The following ACKR3 variants were observed in gnomAD, a reference collection of about 807,000 sequenced individuals.
ACKR3 encodes atypical chemokine receptor 3.
Under a neutral mutation model 22.4 loss-of-function variants are expected in ACKR3, and 6 were observed. The observed-to-expected ratio is 0.27, with a 90% confidence interval of 0.15 to 0.53. ACKR3 has a LOEUF of 0.53. Among genes scored for constraint, ACKR3 ranks in the 20% least tolerant of loss-of-function variants. The pLI, the probability that ACKR3 is intolerant of heterozygous loss-of-function variation, is 0.96. For synonymous variants in ACKR3, 209 were observed against 205.2 expected (o/e 1.02, Z -0.16); for missense variants, 396 against 475.2 (o/e 0.83, Z 1.55).
the ACKR3 span, among the ~76,000 whole-genome samples, chr2:236,560,507 C>T: frequency 6.6e-6 from 1 of 151,886 alleles, no homozygotes; most frequent in Admixed American, 6.6e-5. Context: ...AGTCCTTAGC[C>T]CGTTTTTAAA....
chr2:236,542,353 A>C, the ACKR3 span, among the ~76,000 whole-genome samples: 5 of 152,348 alleles, frequency 3.3e-5, no homozygotes, highest in South Asian at 1.0e-3. Context: ...ATCACTGGAC[A>C]TGACCTTTCT....
upstream of ACKR3, among the ~76,000 whole-genome samples, chr2:236,562,919 C>A (rs138083626): frequency 6.6e-6 from 1 of 152,240 alleles, no homozygotes; most frequent in Non-Finnish European, 1.5e-5. Context: ...TGGAGAAGCA[C>A]TGGTGCATGA....
At chr2:236,576,157 C>T (rs73131709) in intron 1 of ACKR3, among the ~76,000 whole-genome samples, 18,847 of 152,160 alleles carry the variant, frequency 0.12, 1,826 homozygotes, top group African/African-American at 0.27. Flanking sequence ...TGGCCTCAAG[C>T]GGGAATGGAA....
the ACKR3 span, among the ~76,000 whole-genome samples, chr2:236,543,043 A>G: frequency 6.6e-6 from 1 of 152,144 alleles, no homozygotes; most frequent in Non-Finnish European, 1.5e-5. Flanking sequence ...AAATAAAGCA[A>G]TGACAGTTGG....
intron 1 of ACKR3, among the ~76,000 whole-genome samples, chr2:236,575,362 C>T (rs542832982): frequency 7.0e-4 from 106 of 151,546 alleles, no homozygotes; most frequent in Non-Finnish European, 1.0e-3. Flanking sequence ...TTTTGTGTTT[C>T]TTTCTGCATA....
At chr2:236,540,099 C>G in the ACKR3 span, among the ~76,000 whole-genome samples, 1 of 152,188 alleles carries the variant, frequency 6.6e-6, no homozygotes, top group Admixed American at 6.5e-5. Flanking sequence ...TTATAGGAAA[C>G]TGCAAAACAG....
chr2:236,551,490 T>G, the ACKR3 span, among the ~76,000 whole-genome samples: 6 of 152,006 alleles, frequency 3.9e-5, no homozygotes, highest in Non-Finnish European at 8.8e-5. Context: ...GTGGGTGAGC[T>G]GACATCAGGG....
At chr2:236,544,148 C>T in the ACKR3 span, among the ~76,000 whole-genome samples, 1 of 151,078 alleles carries the variant, frequency 6.6e-6, no homozygotes. This position sits in a 1 kb window ranked among gnomAD's most constrained non-coding sequence, Gnocchi z 5.0. Context: ...CACCACCATG[C>T]CCGGCTAATT....
chr2:236,538,542 G>T, the ACKR3 span, among the ~76,000 whole-genome samples: 1 of 149,994 alleles, frequency 6.7e-6, no homozygotes, highest in Non-Finnish European at 1.5e-5. Context: ...CTGGCCCCAA[G>T]CATGGAAAGG....
At chr2:236,567,591 G>A (rs1451949425), upstream of ACKR3, among the ~76,000 whole-genome samples, 1 of 152,148 alleles carries the variant, frequency 6.6e-6, no homozygotes, top group Non-Finnish European at 1.5e-5. Context: ...GACAGGGTGG[G>A]AGGCCCAAGG....
upstream of ACKR3, chr2:236,569,690 T>TG (rs1691267566): frequency 2.0e-5 from 3 of 151,028 alleles, no homozygotes; most frequent in Non-Finnish European, 4.4e-5. Flanking sequence ...GAGGGGGGTG[T>TG]GTGTGTGTGT....
the ACKR3 span, among the ~76,000 whole-genome samples, chr2:236,562,148 G>T: frequency 1.3e-5 from 2 of 152,176 alleles, no homozygotes; most frequent in Admixed American, 6.5e-5. Flanking sequence ...ATCAAATTGG[G>T]GAAGTAAGTC....
chr2:236,542,013 G>A, the ACKR3 span, among the ~76,000 whole-genome samples: 7 of 151,856 alleles, frequency 4.6e-5, no homozygotes, highest in African/African-American at 1.7e-4. Flanking sequence ...GCATGAGAAC[G>A]AACTAAAACA....
chr2:236,563,332 A>T (rs1190387895), upstream of ACKR3, among the ~76,000 whole-genome samples: 1 of 152,208 alleles, frequency 6.6e-6, no homozygotes, highest in African/African-American at 2.4e-5. Flanking sequence ...GGAAGCAGGG[A>T]TGCAGCATTG....
At chr2:236,544,405 C>T in the ACKR3 span, among the ~76,000 whole-genome samples, 2 of 152,234 alleles carry the variant, frequency 1.3e-5, no homozygotes, top group East Asian at 1.9e-4. This position sits in a 1 kb window ranked among gnomAD's most constrained non-coding sequence, Gnocchi z 5.0. Flanking sequence ...ATCAGCTTTG[C>T]GTTGTATGCA....
the ACKR3 span, among the ~76,000 whole-genome samples, chr2:236,537,210 C>T: frequency 6.6e-6 from 1 of 152,168 alleles, no homozygotes; most frequent in African/African-American, 2.4e-5. Context: ...TGATTGGATT[C>T]TAGGAATACC....
intron 1 of ACKR3, among the ~76,000 whole-genome samples, chr2:236,570,796 G>A (rs1691292004): frequency 6.6e-6 from 1 of 152,216 alleles, no homozygotes; most frequent in African/African-American, 2.4e-5. Flanking sequence ...CTTCCAGGGA[G>A]AATGAGAAGT....
chr2:236,559,657 G>A, the ACKR3 span, among the ~76,000 whole-genome samples: 1,229 of 152,264 alleles, frequency 8.1e-3, 16 homozygotes, highest in African/African-American at 0.026. Context: ...GATGTCCTTT[G>A]ATAAATGTGT....
intron 1 of ACKR3, among the ~76,000 whole-genome samples, chr2:236,571,309 C>T (rs1212878858): frequency 6.6e-6 from 1 of 152,118 alleles, no homozygotes; most frequent in East Asian, 1.9e-4. Flanking sequence ...AACTGCAGAG[C>T]TTAATGCCAC....
Sources: gnomAD v4.1 joint callset for allele counts (sites outside exome capture counted in the v4.1 genomes callset) on GRCh38, gnomAD v4.1.1 for gene constraint, Gnocchi (gnomAD v3.1) non-coding constraint, MANE v1.5 for transcripts, NCBI Gene and HGNC (gene_info 2026-07-23, HGNC 2026-07-21) for gene names.